Variants in ADCY1 observed in about 807,000 individuals in gnomAD.
The protein encoded by ADCY1 is adenylate cyclase type 1.
Under a neutral mutation model 105.4 loss-of-function variants are expected in ADCY1, and 28 were observed. That is an observed-to-expected ratio of 0.27 (90% CI 0.20 to 0.36). ADCY1 has a LOEUF of 0.36. ADCY1 is among the 10% of genes least tolerant of loss of function. The pLI, the probability that ADCY1 is intolerant of heterozygous loss-of-function variation, is 1.00. For missense variants in ADCY1, 977 were observed against 1,434.2 expected (o/e 0.68, Z 5.15); for synonymous variants, 655 against 623.8 (o/e 1.05, Z -0.75).
intron 4 of ADCY1, among the ~76,000 whole-genome samples, chr7:45,641,469 A>G (rs1221496419): frequency 6.6e-6 from 1 of 152,112 alleles, no homozygotes; most frequent in East Asian, 1.9e-4. Flanking sequence ...GCCTTCCCTC[A>G]AATCCTAGAC....
At chr7:45,602,176 C>G (rs1793256925) in intron 2 of ADCY1, among the ~76,000 whole-genome samples, 2 of 151,562 alleles carry the variant, frequency 1.3e-5, no homozygotes, top group Admixed American at 1.3e-4. Context: ...TGAGCTCTGC[C>G]TTCCTTCTGC....
At position 45,703,429 on chromosome 7, in the gene ADCY1, C is replaced by T. The variant is rs1785039593; in HGVS notation, c.2508C>T (p.Ile836=). Residue 836 remains isoleucine, a synonymous_variant, in exon 15 of 20, where the codon ATC becomes ATT. Transcript: ENST00000297323. The surrounding 1 kb of genome is among the most constrained non-coding windows in gnomAD (Gnocchi z 5.9). ...AGGTGAAGCTGGACAACAGGCGCAT[C>T]CTCTTCAACCTCCTGCCGGCCCACG... ...MEKVKLDNRR[I]LFNLLPAHVA... The T allele has an allele frequency of 1.2e-6, 2 of 1,613,966 alleles. No homozygotes were observed. Among genetic ancestry groups the T allele is most frequent in the South Asian group, 1.1e-5 (1 of 91,086 alleles).
At chr7:45,581,107 T>G (rs577982154) in intron 1 of ADCY1, among the ~76,000 whole-genome samples, 9 of 152,300 alleles carry the variant, frequency 5.9e-5, no homozygotes, top group Admixed American at 4.6e-4. Context: ...TGTATCTGTG[T>G]GACTTTAGGC....
At chr7:45,631,811 A>G (rs1794267114) in intron 4 of ADCY1, among the ~76,000 whole-genome samples, 1 of 152,268 alleles carries the variant, frequency 6.6e-6, no homozygotes, top group South Asian at 2.1e-4. Flanking sequence ...CCAAGCCTGC[A>G]TATCTCTGCA....
chr7:45,626,025 G>T (rs1007098220), intron 4 of ADCY1, among the ~76,000 whole-genome samples: 1 of 152,206 alleles, frequency 6.6e-6, no homozygotes, highest in African/African-American at 2.4e-5. Context: ...CTTCCTAGAG[G>T]CTTGGTGGCT....
chr7:45,577,720 C>G (rs769885334), intron 1 of ADCY1, among the ~76,000 whole-genome samples: 5 of 152,186 alleles, frequency 3.3e-5, no homozygotes, highest in Non-Finnish European at 7.3e-5. Context: ...GGGGATTTCC[C>G]TCACTGCATA....
At chr7:45,704,740 G>A (rs1227335730) in intron 17 of ADCY1, 124 bp downstream of exon 17, 2 of 726,836 alleles carry the variant, frequency 2.8e-6, no homozygotes, top group Non-Finnish European at 2.3e-6. Context: ...TACAGGAGCA[G>A]CTTGAGTGCT....
intron 3 of ADCY1, among the ~76,000 whole-genome samples, chr7:45,616,570 G>A (rs75417389): frequency 0.019 from 2,868 of 150,564 alleles, 79 homozygotes; most frequent in South Asian, 0.13. Flanking sequence ...TACAAATCAT[G>A]TGATCATCTC....
At chr7:45,597,527 A>G (rs1793110771) in intron 2 of ADCY1, among the ~76,000 whole-genome samples, 1 of 152,194 alleles carries the variant, frequency 6.6e-6, no homozygotes, top group South Asian at 2.1e-4. Flanking sequence ...CTTACTGCTA[A>G]CTTTTGCAGC....
At chr7:45,648,285 T>G (rs1584301093) in intron 4 of ADCY1, among the ~76,000 whole-genome samples, 1 of 152,222 alleles carries the variant, frequency 6.6e-6, no homozygotes, top group Non-Finnish European at 1.5e-5. Context: ...CGTGATGGTC[T>G]GCATGGCGGT....
rs1008511276 is a variant in ADCY1, at chr7:45,717,064, G to A, written c.*3069G>A. The A allele has an allele frequency of 2.0e-5, 3 of 152,282 alleles. No individual in the cohort carries two copies. Among genetic ancestry groups the A allele is most frequent in the East Asian group, 1.9e-4 (1 of 5,186 alleles). The allele number at this position is 152,282 out of a possible 1,614,324, so 9.4% of individuals were successfully genotyped here. A position where few individuals can be genotyped will look rare whatever the true frequency, so the allele number is the denominator to read the frequency against. Reference sequence around the variant, plus strand: ...AGGCGTGAGTGGAGCCCAGTCCAGCGACACCTTGGTTTGGCCTGTGAGACT... The same window carrying A: ...AGGCGTGAGTGGAGCCCAGTCCAGCAACACCTTGGTTTGGCCTGTGAGACT... On this transcript the variant is annotated 3_prime_UTR_variant, in exon 20 of 20. Transcript: ENST00000297323.
chr7:45,641,398 C>T (rs1411960750), intron 4 of ADCY1, among the ~76,000 whole-genome samples: 1 of 152,200 alleles, frequency 6.6e-6, no homozygotes, highest in Non-Finnish European at 1.5e-5. Flanking sequence ...TGAATTCTCA[C>T]CCGTAATGTA....
intron 14 of ADCY1, among the ~76,000 whole-genome samples, chr7:45,690,209 T>C (rs1221355220): frequency 6.6e-6 from 1 of 151,890 alleles, no homozygotes; most frequent in African/African-American, 2.4e-5. Flanking sequence ...GTAGTGGAGG[T>C]AGAGTGGGTC....
At position 45,606,260 on chromosome 7, in the gene ADCY1, G is replaced by A. The variant is rs182435334; in HGVS notation, c.790-4119G>A. 3.9e-3 allele frequency among the ~76,000 whole-genome samples: 597 copies of A among 152,168 alleles called. 3 individuals carry two copies. The highest frequency in any genetic ancestry group is 4.8e-3 in the Non-Finnish European group (326 of 68,006). Reference sequence around the variant, plus strand: ...TCTGGGAGTGGGTGGGTTGATTGGGGGCCCCTTCACAGCCTGGGGTGGGGG... The same window carrying A: ...TCTGGGAGTGGGTGGGTTGATTGGGAGCCCCTTCACAGCCTGGGGTGGGGG... On this transcript the variant is annotated intron_variant, in intron 2 of 19. Transcript: ENST00000297323.
chr7:45,691,430 G>C (rs1454969716), intron 14 of ADCY1, among the ~76,000 whole-genome samples: 1 of 152,232 alleles, frequency 6.6e-6, no homozygotes, highest in Admixed American at 6.5e-5. Flanking sequence ...ATTTAGGTAT[G>C]TAGTACAAAC....
At chr7:45,632,287 G>A (rs1794279281) in intron 4 of ADCY1, among the ~76,000 whole-genome samples, 1 of 152,130 alleles carries the variant, frequency 6.6e-6, no homozygotes, top group African/African-American at 2.4e-5. Context: ...TTTTCAAAGT[G>A]ATTTTTGGCT....
intron 19 of ADCY1, among the ~76,000 whole-genome samples, chr7:45,711,955 T>G (rs1785257044): frequency 9.5e-6 from 1 of 104,724 alleles, no homozygotes; most frequent in Admixed American, 1.3e-4. Context: ...ACATATTATA[T>G]TAAATATATA....
intron 11 of ADCY1, among the ~76,000 whole-genome samples, chr7:45,682,337 T>C (rs569712450): frequency 6.6e-6 from 1 of 152,226 alleles, no homozygotes; most frequent in East Asian, 1.9e-4. Flanking sequence ...TGAAAAGGAA[T>C]GTCTGGGGCA....
chr7:45,672,348 A>G (rs1442271493), intron 8 of ADCY1, among the ~76,000 whole-genome samples: 3 of 152,164 alleles, frequency 2.0e-5, no homozygotes, highest in Non-Finnish European at 4.4e-5. Context: ...ATGCAGTTGT[A>G]TAAGTCTTAA....
Sources: gnomAD v4.1 joint callset for allele counts (sites outside exome capture counted in the v4.1 genomes callset) on GRCh38, gnomAD v4.1.1 for gene constraint, Gnocchi (gnomAD v3.1) non-coding constraint, MANE v1.5 for transcripts, NCBI Gene and HGNC (gene_info 2026-07-23, HGNC 2026-07-21) for gene names.